TSC1: variants seen among roughly 807,000 people sequenced by gnomAD.
TSC1 encodes the protein hamartin.
Under a neutral mutation model 124.3 loss-of-function variants are expected in TSC1, and 20 were observed. That is an observed-to-expected ratio of 0.16 (90% confidence interval 0.11 to 0.23). The LOEUF (loss-of-function observed/expected upper bound fraction) is 0.23. TSC1 is among the 10% of genes least tolerant of loss of function. The pLI is 1.00. For synonymous variants in TSC1, 493 were observed against 539.1 expected (o/e 0.91, Z 1.19); for missense variants, 1,124 against 1,448.5 (o/e 0.78, Z 3.64).
At chr9:132,932,788 T>C (rs867915654) in intron 2 of TSC1, among the ~76,000 whole-genome samples, 1 of 152,144 alleles carries the variant, frequency 6.6e-6, no homozygotes, top group Non-Finnish European at 1.5e-5. Flanking sequence ...TTCTCCCACA[T>C]CCTTGCACAG....
In TSC1 at chr9:132,893,923, C is replaced by T. The variant is rs1188864231; in HGVS notation, c.*2312G>A. 4.3e-6 allele frequency: 1 copy of T among 233,188 alleles called. No homozygotes were observed. Among genetic ancestry groups the T allele is most frequent in the African/African-American group, 2.2e-5 (1 of 45,334 alleles). The allele number at this position is 233,188 out of a possible 1,614,324, so 14.4% of individuals were successfully genotyped here. ...TATCATGTCCAAAACCAAACCAAAC[C>T]TAACTACTGACTCTGGAGTTCTTTG... On this transcript the variant is annotated 3_prime_UTR_variant, in exon 23 of 23. Transcript: ENST00000298552.
rs2131882798 is a variant in TSC1 at position 132,907,363 on chromosome 9, C to T, written c.1271G>A (p.Arg424Lys). The T allele has an allele frequency of 6.2e-7, 1 of 1,613,622 alleles. No individual in the cohort carries two copies. Among genetic ancestry groups the T allele is most frequent in the Non-Finnish European group, 8.5e-7 (1 of 1,179,526 alleles). The change falls in exon 13 of 23, where the codon AGA (arginine) becomes AAA (lysine). Residue 424 changes from arginine to lysine, a missense_variant. Arg to Lys is a conservative substitution (Grantham distance 26). This residue lies in a region of TSC1 where 463 missense variants were observed against 606.8 expected (regional missense o/e 0.76). Transcript: ENST00000298552. ...TAGACATGGTCTTGCAGAATCCATTCTCTCTTCCTGAAAAGATAAGTATCA... is the reference window on the plus strand; with the variant it reads ...TAGACATGGTCTTGCAGAATCCATTTTCTCTTCCTGAAAAGATAAGTATCA... ...ATVTPPRKEE[R>K]MDSARPCLHR...
In TSC1 at chr9:132,893,746, T is replaced by C. The variant is rs1169707194; in HGVS notation, c.*2489A>G. 3.4e-5 allele frequency: 8 copies of C among 233,094 alleles called. No homozygotes were observed. Among genetic ancestry groups the C allele is most frequent in the South Asian group, 1.8e-4 (1 of 5,532 alleles). The allele number at this position is 233,094 out of a possible 1,614,324, so 14.4% of individuals were successfully genotyped here. On this transcript the variant is annotated 3_prime_UTR_variant, in exon 23 of 23. Transcript: ENST00000298552. ...TATTTATGAATACCAAGCTGCTTAATTGGTTTCAAGGTAGACTCTGCCCTT... is the reference window on the plus strand; with the variant it reads ...TATTTATGAATACCAAGCTGCTTAACTGGTTTCAAGGTAGACTCTGCCCTT...
chr9:132,923,248 T>C lies in TSC1; in HGVS notation c.508+100A>G. 6.6e-7 allele frequency: 1 copy of C among 1,508,070 alleles called. No individual in the cohort carries two copies. The highest frequency in any genetic ancestry group is 8.9e-7 in the Non-Finnish European group (1 of 1,119,906). 93.4% of individuals were successfully genotyped at this position (1,508,070 alleles called of 1,614,324 possible). A position where few individuals can be genotyped will look rare whatever the true frequency, so the allele number is the denominator to read the frequency against. ...TGGTGAAAACCACTCATTTCAGCTA[T>C]AAAAGTCTACATGTCCATTCCTTAC... is the stretch of plus-strand genomic sequence containing the variant. On this transcript the variant is annotated intron_variant, in intron 6 of 22. Transcript: ENST00000298552. The surrounding 1 kb of genome is among the most constrained non-coding windows in gnomAD (Gnocchi z 4.2).
In TSC1 at chr9:132,892,569, G is replaced by T. The variant is rs530313938; in HGVS notation, c.*3666C>A. ...GGTGGGCGGCACCCCATCTCACCAAGGTCCTGGCCGGGTCTTCGCTCTGCC... is the reference window on the plus strand; with the variant it reads ...GGTGGGCGGCACCCCATCTCACCAATGTCCTGGCCGGGTCTTCGCTCTGCC... On this transcript the variant is annotated 3_prime_UTR_variant, in exon 23 of 23. Coordinates refer to ENST00000298552, the MANE Select transcript of TSC1 (RefSeq NM_000368.5). 12 of 233,258 alleles carry T rather than the reference G, an allele frequency of 5.1e-5. No homozygotes were observed. The highest frequency in any genetic ancestry group is 1.0e-4 in the Non-Finnish European group (12 of 118,126). 14.4% of individuals were successfully genotyped at this position (233,258 alleles called of 1,614,324 possible). A position where few individuals can be genotyped will look rare whatever the true frequency, so the allele number is the denominator to read the frequency against.
chr9:132,926,161 G>A (rs372428306), intron 4 of TSC1: 1 of 220,298 alleles, frequency 4.5e-6, no homozygotes, highest in African/African-American at 2.3e-5. Context: ...TCAGACCAGA[G>A]TAAACAAAAA....
At chr9:132,901,854 T>C in intron 18 of TSC1, 155 bp from the exon 19 acceptor site, 1 of 649,084 alleles carries the variant, frequency 1.5e-6, no homozygotes, top group East Asian at 2.6e-5. Context: ...TTTTAAAAAG[T>C]AAGTTATGGT....
At position 132,942,287 on chromosome 9, in the gene TSC1, A is replaced by G. The variant is rs543561975; in HGVS notation, c.-144+2256T>C. 3 of 152,384 alleles carry G rather than the reference A, an allele frequency of 2.0e-5. No individual in the cohort carries two copies. In the East Asian group the frequency reaches 5.8e-4, roughly 29 times the overall value. 9.4% of individuals were successfully genotyped at this position (152,384 alleles called of 1,614,324 possible). A position where few individuals can be genotyped will look rare whatever the true frequency, so the allele number is the denominator to read the frequency against. ...CAGTGGTCCTCAACCTCCGGTGCAC[A>G]TAAGAATCAGTCTTCTTCCAAAATA... On this transcript the variant is annotated intron_variant, in intron 1 of 22. Transcript: ENST00000298552.
intron 3 of TSC1, among the ~76,000 whole-genome samples, chr9:132,928,011 C>T (rs965574038): frequency 3.3e-5 from 5 of 152,140 alleles, no homozygotes; most frequent in South Asian, 2.1e-4. Flanking sequence ...TATAACCACA[C>T]GCACACAGCC....
chr9:132,899,149 T>A (rs2284903), intron 20 of TSC1: 29,518 of 152,158 alleles, frequency 0.19, 3,512 homozygotes, highest in African/African-American at 0.34. Flanking sequence ...GATGGTCTCG[T>A]TCTCCTAACC....
At chr9:132,916,651 T>G (rs1299991136) in intron 8 of TSC1, among the ~76,000 whole-genome samples, 1 of 152,032 alleles carries the variant, frequency 6.6e-6, no homozygotes, top group Non-Finnish European at 1.5e-5. Flanking sequence ...CACTTTTTTG[T>G]GTGTCTATTG....
rs745657743 is a variant in TSC1, at chr9:132,906,099, C to G, written c.1479G>C (p.Glu493Asp). 1 of 1,613,772 alleles carries G rather than the reference C, an allele frequency of 6.2e-7. No homozygotes were observed. Among genetic ancestry groups the G allele is most frequent in the South Asian group, 1.1e-5 (1 of 91,046 alleles). The change falls in exon 15 of 23, where the codon GAG becomes GAC. Residue 493 changes from glutamate (E) to aspartate (D), a missense_variant. Physicochemically the swap from Glu to Asp is conservative, Grantham distance 45. Coordinates refer to ENST00000298552, the MANE Select transcript of TSC1 (RefSeq NM_000368.5). This position sits in a 1 kb window ranked among gnomAD's most constrained non-coding sequence, Gnocchi z 4.1. ...CTCCTCGAGGAACCACAGGCTCTGCCTCTGCTGTGGTGATCTCAGAAAGTT... is the reference window on the plus strand; with the variant it reads ...CTCCTCGAGGAACCACAGGCTCTGCGTCTGCTGTGGTGATCTCAGAAAGTT... ...SRELSEITTA[E>D]AEPVVPRGGF...
At chr9:132,938,290 T>G (rs1241813956) in intron 1 of TSC1, among the ~76,000 whole-genome samples, 2 of 152,238 alleles carry the variant, frequency 1.3e-5, no homozygotes, top group Non-Finnish European at 2.9e-5. Context: ...GGAATGCAGA[T>G]GGAAACACCT....
intron 12 of TSC1, chr9:132,910,179 T>C (rs6597585): frequency 0.085 from 34,107 of 402,428 alleles, 1,564 homozygotes; most frequent in African/African-American, 0.1. Flanking sequence ...CACATGCCTG[T>C]AGTCCCAGCT....
intron 8 of TSC1, among the ~76,000 whole-genome samples, chr9:132,919,552 G>A (rs1846436796): frequency 6.6e-6 from 1 of 152,182 alleles, no homozygotes; most frequent in Admixed American, 6.5e-5. Context: ...ATTACTGAAT[G>A]CCTTCAAATT....
chr9:132,928,641 T>C, intron 3 of TSC1, 126 bp downstream of exon 3: 1 of 1,168,580 alleles, frequency 8.6e-7, no homozygotes, highest in Non-Finnish European at 1.2e-6. Flanking sequence ...ATATAGATAC[T>C]CTCTTTGGGT....
intron 1 of TSC1, among the ~76,000 whole-genome samples, chr9:132,936,517 T>C (rs1847464707): frequency 6.6e-6 from 1 of 152,244 alleles, no homozygotes; most frequent in Non-Finnish European, 1.5e-5. Flanking sequence ...ACAGCTATCA[T>C]TTTTCTATTT....
intron 2 of TSC1, among the ~76,000 whole-genome samples, chr9:132,930,396 C>G (rs1847138652): frequency 6.6e-6 from 1 of 152,050 alleles, no homozygotes; most frequent in Non-Finnish European, 1.5e-5. Context: ...CGAGACCAAC[C>G]TGGCCAACAT....
At chr9:132,928,596 ACTT>A (rs1237195069) in intron 3 of TSC1, among the ~76,000 whole-genome samples, 168 bp downstream of exon 3, 1 of 152,216 alleles carries the variant, frequency 6.6e-6, no homozygotes, top group Non-Finnish European at 1.5e-5. Context: ...GTGTGTGCAT[ACTT>A]GAGTATTTCC....
Sources: gnomAD v4.1 joint callset for allele counts (sites outside exome capture counted in the v4.1 genomes callset) on GRCh38, gnomAD v4.1.1 for gene constraint, gnomAD v4.1.1 regional missense constraint, Gnocchi (gnomAD v3.1) non-coding constraint, MANE v1.5 for transcripts, NCBI Gene and HGNC (gene_info 2026-07-23, HGNC 2026-07-21) for gene names.